DMD: variants seen among roughly 807,000 people sequenced by gnomAD.
DMD encodes the protein mutant dystrophin.
In DMD, 63 loss-of-function variants were observed where a neutral mutation model predicts 330.1. The ratio of observed to expected loss-of-function variants is 0.19; its 90% confidence interval spans 0.16 to 0.24. DMD has a LOEUF of 0.24. Among genes scored for constraint, DMD ranks in the 10% least tolerant of loss-of-function variants. The probability of loss-of-function intolerance (pLI) is 1.00; values close to 1 mark genes in which losing one functional copy is unlikely to be tolerated. For missense variants in DMD, 3,344 were observed against 2,684.1 expected (o/e 1.25, Z -5.43); for synonymous variants, 1,223 against 959.8 (o/e 1.27, Z -5.07).
At chrX:33,276,363 G>C (rs1278683221) in intron 1 of DMD, among the ~76,000 whole-genome samples, 3 of 110,569 alleles carry the variant, frequency 2.7e-5, no homozygotes, top group Non-Finnish European at 5.7e-5. Flanking sequence ...CCAAGTTTTG[G>C]TGCTGATAGG....
At chrX:31,820,521 G>A (rs1040907590) in intron 49 of DMD, among the ~76,000 whole-genome samples, 3 of 112,008 alleles carry the variant, frequency 2.7e-5, no homozygotes. Context: ...GTGGACACGG[G>A]AATATGCTAC....
At chrX:32,209,438 G>A (rs2147803266) in intron 44 of DMD, among the ~76,000 whole-genome samples, 1 of 111,361 alleles carries the variant, frequency 9.0e-6, no homozygotes, top group South Asian at 3.8e-4. Flanking sequence ...GTAGAAACAA[G>A]CATTCTAGGG....
At chrX:31,901,268 C>T (rs1465597866) in intron 47 of DMD, among the ~76,000 whole-genome samples, 3 of 111,423 alleles carry the variant, frequency 2.7e-5, no homozygotes, top group Admixed American at 9.5e-5. Context: ...AAACTCTTGC[C>T]CAAACATACC....
chrX:33,211,977 T>C (rs1014940467), upstream of DMD, among the ~76,000 whole-genome samples: 1 of 112,239 alleles, frequency 8.9e-6, no homozygotes, highest in Non-Finnish European at 1.9e-5. Context: ...ATTTGTTATG[T>C]ATCCACTGTC....
chrX:31,220,641 G>A lies in DMD; in HGVS notation c.9361+2406C>T, dbSNP rs779349146. On this transcript the variant is annotated intron_variant, in intron 64 of 78. Transcript: ENST00000357033. ...CTGGAGCTATCCAATCCTCTCCCCC[G>A]TTACAAGCAGCACCTACAGGCTCAT... Among the ~76,000 whole-genome samples the A allele has an allele frequency of 1.1e-4, 12 of 110,888 alleles. No homozygotes were observed. The East Asian group carries it at 2.0e-3, about 18-fold the overall frequency.
chrX:32,975,409 G>GAA (rs2092519672), intron 2 of DMD, among the ~76,000 whole-genome samples: 1 of 92,063 alleles, frequency 1.1e-5, no homozygotes, highest in Non-Finnish European at 2.1e-5. Context: ...GCTCCTGGAA[G>GAA]AATTGGAAAT....
chrX:33,177,265 G>A lies in DMD; in HGVS notation c.31+34017C>T, dbSNP rs1439148921. On this transcript the variant is annotated intron_variant, in intron 1 of 78. Coordinates refer to ENST00000357033, the MANE Select transcript of DMD (RefSeq NM_004006.3). ...GGGCAACAAGCACTCCCAGCAGCTAGGGGATGGGTGTGCTACCTGGTGATG... is the reference window on the plus strand; with the variant it reads ...GGGCAACAAGCACTCCCAGCAGCTAAGGGATGGGTGTGCTACCTGGTGATG... Among the ~76,000 whole-genome samples the A allele has an allele frequency of 8.0e-5, 9 of 112,580 alleles. No homozygotes were observed. The Admixed American group carries it at 8.4e-4, about 11-fold the overall frequency.
At chrX:31,197,979 C>T (rs2043068798) in intron 67 of DMD, among the ~76,000 whole-genome samples, 1 of 97,662 alleles carries the variant, frequency 1.0e-5, no homozygotes, top group Non-Finnish European at 2.0e-5. Context: ...ATCAGCCACA[C>T]ACAGAAAGAC....
chrX:31,349,179 T>C (rs897361377), intron 60 of DMD, among the ~76,000 whole-genome samples: 2 of 112,882 alleles, frequency 1.8e-5, no homozygotes, highest in African/African-American at 6.4e-5. Context: ...CAGTGACTCA[T>C]GCCTGTAATC....
intron 43 of DMD, among the ~76,000 whole-genome samples, chrX:32,269,930 C>G (rs2097359335): frequency 8.9e-6 from 1 of 111,980 alleles, no homozygotes; most frequent in Admixed American, 9.5e-5. Context: ...AAGATGTTGG[C>G]TTGGATTAGA....
At chrX:33,093,765 C>T (rs1276364866) in intron 1 of DMD, among the ~76,000 whole-genome samples, 15 of 111,017 alleles carry the variant, frequency 1.4e-4, no homozygotes, top group African/African-American at 4.6e-4. Context: ...TGCATGTTGG[C>T]TATGGAAAAG....
intron 11 of DMD, among the ~76,000 whole-genome samples, chrX:32,634,364 T>A: frequency 9.0e-6 from 1 of 111,358 alleles, no homozygotes; most frequent in Non-Finnish European, 1.9e-5. Context: ...CAAGCCAAAG[T>A]CCCCTTTACT....
intron 53 of DMD, among the ~76,000 whole-genome samples, chrX:31,667,256 T>C (rs1279071933): frequency 2.7e-5 from 3 of 112,121 alleles, no homozygotes; most frequent in African/African-American, 9.7e-5. Flanking sequence ...TGCATATCAG[T>C]ATTTCATTTC....
chrX:32,266,005 G>A (rs143749686), intron 43 of DMD, among the ~76,000 whole-genome samples: 2,716 of 111,433 alleles, frequency 0.024, 37 homozygotes, highest in Middle Eastern at 0.056. Flanking sequence ...ATGTGAAGAC[G>A]TGCCATTTGG....
intron 4 of DMD, among the ~76,000 whole-genome samples, chrX:32,830,740 C>T (rs753374447): frequency 1.8e-5 from 2 of 111,755 alleles, no homozygotes; most frequent in Non-Finnish European, 3.8e-5. Context: ...ACATGGGATG[C>T]TGTCTCAGAG....
chrX:32,038,657 C>T (rs2095972444), intron 44 of DMD, among the ~76,000 whole-genome samples: 1 of 109,614 alleles, frequency 9.1e-6, no homozygotes, highest in Non-Finnish European at 1.9e-5. Context: ...TCTAGAATCA[C>T]ACACTATACT....
chrX:32,268,922 C>T (rs2097354958), intron 43 of DMD, among the ~76,000 whole-genome samples: 2 of 104,516 alleles, frequency 1.9e-5, no homozygotes, highest in Admixed American at 1.1e-4. Flanking sequence ...GCCACCCCAA[C>T]CAGGAATGTC....
At chrX:32,691,257 T>G (rs2063259243) in intron 9 of DMD, among the ~76,000 whole-genome samples, 1 of 109,846 alleles carries the variant, frequency 9.1e-6, no homozygotes, top group African/African-American at 3.3e-5. Context: ...CCTGAAGACC[T>G]TATATTATAT....
At chrX:32,080,176 T>C (rs576741198) in intron 44 of DMD, among the ~76,000 whole-genome samples, 27 of 112,369 alleles carry the variant, frequency 2.4e-4, no homozygotes, top group Admixed American at 6.6e-4. Context: ...AGACGAGTAA[T>C]GCAAGTAATG....
Sources: gnomAD v4.1 joint callset for allele counts (sites outside exome capture counted in the v4.1 genomes callset) on GRCh38, gnomAD v4.1.1 for gene constraint, MANE v1.5 for transcripts, NCBI Gene and HGNC (gene_info 2026-07-23, HGNC 2026-07-21) for gene names.